RNGTT: variants seen among roughly 807,000 people sequenced by gnomAD.
RNGTT encodes mRNA-capping enzyme.
In RNGTT, 33 loss-of-function variants were observed where a neutral mutation model predicts 79.3. That is an observed-to-expected ratio of 0.42 (90% CI 0.32 to 0.56). RNGTT has a LOEUF of 0.56. Ranked by LOEUF, RNGTT falls within the 20% of genes least tolerant of loss-of-function variation. RNGTT has a pLI of 0.17. For synonymous variants in RNGTT, 222 were observed against 235.9 expected (o/e 0.94, Z 0.54); for missense variants, 497 against 739.1 (o/e 0.67, Z 3.80).
intron 13 of RNGTT, among the ~76,000 whole-genome samples, chr6:88,759,244 C>T (rs1191244105): frequency 6.6e-6 from 1 of 152,192 alleles, no homozygotes; most frequent in East Asian, 1.9e-4. Context: ...GCTCCTGCAT[C>T]CTTTCGACAT....
intron 13 of RNGTT, among the ~76,000 whole-genome samples, chr6:88,684,081 G>A (rs1192445245): frequency 6.6e-6 from 1 of 152,134 alleles, no homozygotes; most frequent in Non-Finnish European, 1.5e-5. Context: ...GACTGGAACA[G>A]AAACCTCACA....
At chr6:88,912,755 T>C (rs1783866736) in intron 4 of RNGTT, among the ~76,000 whole-genome samples, 1 of 152,182 alleles carries the variant, frequency 6.6e-6, no homozygotes, top group Admixed American at 6.5e-5. Context: ...GAGACTATTC[T>C]GAATACCTCT....
intron 11 of RNGTT, among the ~76,000 whole-genome samples, chr6:88,810,599 GAA>G (rs1454228718): frequency 2.0e-5 from 3 of 152,134 alleles, no homozygotes; most frequent in Non-Finnish European, 4.4e-5. Flanking sequence ...AGCACGACTT[GAA>G]AAGTCAGGTT....
intron 13 of RNGTT, among the ~76,000 whole-genome samples, chr6:88,750,750 C>T (rs1277302312): frequency 6.6e-6 from 1 of 152,032 alleles, no homozygotes; most frequent in African/African-American, 2.4e-5. Context: ...AATGTCATTC[C>T]TACATATTTA....
chr6:88,888,555 C>A (rs1782941782), intron 8 of RNGTT, among the ~76,000 whole-genome samples: 1 of 152,130 alleles, frequency 6.6e-6, no homozygotes, highest in South Asian at 2.1e-4. Flanking sequence ...CTTTGTATAA[C>A]TGCTGCAAGC....
intron 8 of RNGTT, among the ~76,000 whole-genome samples, chr6:88,862,870 T>C (rs554011154): frequency 4.0e-4 from 61 of 152,310 alleles, no homozygotes; most frequent in Admixed American, 1.2e-3. Flanking sequence ...CCAAAAACTA[T>C]CAAAATTTTC....
rs7745808 is a variant in RNGTT at position 88,754,002 on chromosome 6, T to C, written c.1439+15772A>G. Among the ~76,000 whole-genome samples, 1,172 of 152,248 alleles carry C rather than the reference T, an allele frequency of 7.7e-3. 8 individuals are homozygous for C. Among genetic ancestry groups the C allele is most frequent in the African/African-American group, 0.026 (1,087 of 41,558 alleles). On this transcript the variant is annotated intron_variant, in intron 13 of 15. Transcript: ENST00000369485. ...TGCCCATCTCCTCCCTAGAAGGGAATTGTTCAGAACATTCTTGTCATAATT... is the reference window on the plus strand; with the variant it reads ...TGCCCATCTCCTCCCTAGAAGGGAACTGTTCAGAACATTCTTGTCATAATT...
chr6:88,631,482 G>A (rs1469857151), intron 14 of RNGTT, among the ~76,000 whole-genome samples: 1 of 152,154 alleles, frequency 6.6e-6, no homozygotes, highest in Non-Finnish European at 1.5e-5. Flanking sequence ...TCTCACAAAG[G>A]AGTAAGGGAG....
At chr6:88,751,105 C>A (rs1777824864) in intron 13 of RNGTT, among the ~76,000 whole-genome samples, 1 of 152,110 alleles carries the variant, frequency 6.6e-6, no homozygotes. Flanking sequence ...CTACTTAGAA[C>A]AATGAAAGTT....
intron 1 of RNGTT, among the ~76,000 whole-genome samples, chr6:88,949,159 GAAAAAAA>G: frequency 2.6e-4 from 13 of 50,514 alleles, no homozygotes; most frequent in Admixed American, 4.2e-4. Flanking sequence ...AAAATAAAAT[GAAAAAAA>G]AAAAAAAAAA....
chr6:88,881,234 T>C (rs374158935), intron 8 of RNGTT, among the ~76,000 whole-genome samples: 2 of 152,112 alleles, frequency 1.3e-5, no homozygotes, highest in East Asian at 1.9e-4. Context: ...CATAAAGACA[T>C]AGTAAAGCGA....
chr6:88,784,280 G>A (rs1779159742), intron 12 of RNGTT, among the ~76,000 whole-genome samples: 1 of 152,092 alleles, frequency 6.6e-6, no homozygotes, highest in African/African-American at 2.4e-5. Context: ...AAATATCACT[G>A]TGAATGAGAC....
chr6:88,836,011 C>T (rs1351124969), intron 11 of RNGTT, among the ~76,000 whole-genome samples: 2 of 121,816 alleles, frequency 1.6e-5, no homozygotes, highest in African/African-American at 5.7e-5. Context: ...CACACACACA[C>T]ACACACACAC....
At chr6:88,729,547 G>A (rs1160452501) in intron 13 of RNGTT, among the ~76,000 whole-genome samples, 1 of 152,048 alleles carries the variant, frequency 6.6e-6, no homozygotes, top group Non-Finnish European at 1.5e-5. Flanking sequence ...ATATCTTGGT[G>A]GGTGACAATT....
Position 88,963,418 on chromosome 6 carries a change from G to A in RNGTT, c.-9C>T, listed in dbSNP as rs2127969554. On this transcript the variant is annotated 5_prime_UTR_variant, in exon 1 of 16. Coordinates refer to ENST00000369485, the MANE Select transcript of RNGTT (RefSeq NM_003800.5). ...ATCTTGTTGTGAGCCATGTCTTGGGGCTGCGCAGAGCTGCCCTCCCTCACC... is the reference window on the plus strand; with the variant it reads ...ATCTTGTTGTGAGCCATGTCTTGGGACTGCGCAGAGCTGCCCTCCCTCACC... 3.2e-6 allele frequency: 5 copies of A among 1,577,230 alleles called. No individual in the cohort carries two copies. The highest frequency in any genetic ancestry group is 4.3e-6 in the Non-Finnish European group (5 of 1,158,740).
intron 12 of RNGTT, among the ~76,000 whole-genome samples, chr6:88,778,670 T>A (rs1778968957): frequency 6.6e-6 from 1 of 152,132 alleles, no homozygotes; most frequent in Admixed American, 6.5e-5. Context: ...CAGATTTTTA[T>A]AAATTATTTA....
chr6:88,899,159 T>C (rs552711310), intron 6 of RNGTT, among the ~76,000 whole-genome samples: 4 of 152,118 alleles, frequency 2.6e-5, no homozygotes, highest in Admixed American at 1.3e-4. Context: ...TTTTTTTTTT[T>C]CCTAATTCGG....
intron 13 of RNGTT, among the ~76,000 whole-genome samples, chr6:88,724,703 T>C (rs1044130676): frequency 6.6e-6 from 1 of 152,178 alleles, no homozygotes; most frequent in African/African-American, 2.4e-5. Flanking sequence ...AAATTTCTTT[T>C]CAAAGAATCA....
intron 8 of RNGTT, among the ~76,000 whole-genome samples, chr6:88,879,952 G>C (rs1019843870): frequency 3.9e-5 from 6 of 152,110 alleles, no homozygotes; most frequent in African/African-American, 1.4e-4. Context: ...TTTGGTTTAT[G>C]TAAAATCAGG....
Sources: gnomAD v4.1 joint callset for allele counts (sites outside exome capture counted in the v4.1 genomes callset) on GRCh38, gnomAD v4.1.1 for gene constraint, MANE v1.5 for transcripts, NCBI Gene and HGNC (gene_info 2026-07-23, HGNC 2026-07-21) for gene names.